The following CNTNAP2 variants were observed in gnomAD, a reference collection of about 807,000 sequenced individuals.
CNTNAP2 encodes the protein contactin-associated protein-like 2.
Under a neutral mutation model 155.2 loss-of-function variants are expected in CNTNAP2, and 98 were observed. The ratio of observed to expected loss-of-function variants is 0.63; its 90% CI spans 0.54 to 0.75. The LOEUF (loss-of-function observed/expected upper bound fraction) is 0.75. CNTNAP2 is among the 30% of genes least tolerant of loss of function. The pLI is 0.00. For missense variants in CNTNAP2, 1,727 were observed against 1,688.1 expected (o/e 1.02, Z -0.40); for synonymous variants, 651 against 631.2 (o/e 1.03, Z -0.47).
chr7:147,859,293 A>G (rs948005626), intron 13 of CNTNAP2, among the ~76,000 whole-genome samples: 7 of 152,106 alleles, frequency 4.6e-5, no homozygotes, highest in African/African-American at 1.7e-4. Context: ...GTCATCTGTT[A>G]TGTTACATAG....
chr7:147,209,962 G>C (rs1178594260), intron 8 of CNTNAP2, among the ~76,000 whole-genome samples: 1 of 151,906 alleles, frequency 6.6e-6, no homozygotes, highest in East Asian at 1.9e-4. Context: ...TTAACTTTTT[G>C]ATGTGCTGCT....
intron 1 of CNTNAP2, among the ~76,000 whole-genome samples, chr7:146,305,003 A>G (rs969126292): frequency 1.3e-5 from 2 of 151,674 alleles, no homozygotes; most frequent in African/African-American, 4.8e-5. Flanking sequence ...TTCTCTTCTC[A>G]CTTCATTTCA....
chr7:146,939,471 T>C (rs980332874), intron 3 of CNTNAP2, among the ~76,000 whole-genome samples: 1 of 152,232 alleles, frequency 6.6e-6, no homozygotes, highest in African/African-American at 2.4e-5. Context: ...TTTACTTCTT[T>C]CTCTGAAATA....
At chr7:147,625,706 G>C (rs1459622476) in intron 12 of CNTNAP2, among the ~76,000 whole-genome samples, 1 of 152,182 alleles carries the variant, frequency 6.6e-6, no homozygotes, top group Admixed American at 6.5e-5. Flanking sequence ...CTCACACTGT[G>C]ATCTGTTGCT....
intron 13 of CNTNAP2, among the ~76,000 whole-genome samples, chr7:147,781,915 C>A (rs1285413600): frequency 6.6e-6 from 1 of 151,640 alleles, no homozygotes; most frequent in Non-Finnish European, 1.5e-5. Flanking sequence ...CCCAGCTACT[C>A]GGGAGGCTGA....
chr7:147,903,438 T>C, intron 13 of CNTNAP2, 127 bp from the exon 14 acceptor site: 1 of 1,015,086 alleles, frequency 9.9e-7, no homozygotes, highest in Non-Finnish European at 1.5e-6. Context: ...TTGAAATAAA[T>C]TGACTTTTAA....
At chr7:146,643,107 G>A (rs1279376556) in intron 1 of CNTNAP2, among the ~76,000 whole-genome samples, 1 of 147,994 alleles carries the variant, frequency 6.8e-6, no homozygotes, top group Non-Finnish European at 1.5e-5. Context: ...CATTTTGTAG[G>A]TTGCCTGTTC....
intron 3 of CNTNAP2, among the ~76,000 whole-genome samples, chr7:146,936,833 T>A (rs1395938171): frequency 2.0e-5 from 3 of 152,202 alleles, no homozygotes; most frequent in Non-Finnish European, 4.4e-5. Flanking sequence ...ACTTCCCTTT[T>A]ATGTCTATAG....
chr7:146,678,371 G>C (rs1319163819), intron 1 of CNTNAP2, among the ~76,000 whole-genome samples: 1 of 152,042 alleles, frequency 6.6e-6, no homozygotes, highest in Non-Finnish European at 1.5e-5. Context: ...ACCACACCCA[G>C]CCATAATGTC....
At chr7:148,126,492 A>G (rs1804717761) in intron 16 of CNTNAP2, among the ~76,000 whole-genome samples, 1 of 152,226 alleles carries the variant, frequency 6.6e-6, no homozygotes. Flanking sequence ...GGTCACGGTT[A>G]GTGAAATTTT....
intron 9 of CNTNAP2, among the ~76,000 whole-genome samples, chr7:147,333,887 G>A (rs1795621291): frequency 6.6e-6 from 1 of 152,070 alleles, no homozygotes; most frequent in Non-Finnish European, 1.5e-5. Flanking sequence ...CAATATTTAG[G>A]ACCCAAGTCA....
chr7:146,370,361 C>G (rs1795217324), intron 1 of CNTNAP2, among the ~76,000 whole-genome samples: 1 of 151,358 alleles, frequency 6.6e-6, no homozygotes, highest in African/African-American at 2.4e-5. Flanking sequence ...TCGTTTGTAC[C>G]CAGCATGCGG....
intron 1 of CNTNAP2, among the ~76,000 whole-genome samples, chr7:146,289,283 A>G (rs903997806): frequency 1.3e-5 from 2 of 152,222 alleles, no homozygotes; most frequent in Non-Finnish European, 2.9e-5. Flanking sequence ...ATGTTTATAA[A>G]GCTTTGATTC....
At chr7:146,468,643 TG>T (rs1201963390) in intron 1 of CNTNAP2, among the ~76,000 whole-genome samples, 6 of 152,162 alleles carry the variant, frequency 3.9e-5, no homozygotes, top group Non-Finnish European at 8.8e-5. Context: ...TTTGTTTGTT[TG>T]TTTGTTTTTA....
chr7:147,131,082 A>ATATATATG (rs1366651027), intron 7 of CNTNAP2, among the ~76,000 whole-genome samples: 101 of 115,930 alleles, frequency 8.7e-4, no homozygotes, highest in Non-Finnish European at 1.4e-3. Flanking sequence ...ATATATATGT[A>ATATATATG]TATATGTGTA....
chr7:147,303,611 G>A (rs1258061329), intron 9 of CNTNAP2, among the ~76,000 whole-genome samples: 1 of 152,164 alleles, frequency 6.6e-6, no homozygotes, highest in Non-Finnish European at 1.5e-5. Flanking sequence ...TAAAACACGA[G>A]CTTTGGAATC....
At chr7:147,585,236 T>G (rs541278933) in intron 12 of CNTNAP2, among the ~76,000 whole-genome samples, 1 of 152,184 alleles carries the variant, frequency 6.6e-6, no homozygotes, top group East Asian at 1.9e-4. Flanking sequence ...GTAATTAAAG[T>G]GTATTACTTT....
At chr7:147,672,882 T>TTGCA (rs1795811483) in intron 13 of CNTNAP2, 1 of 152,170 alleles carries the variant, frequency 6.6e-6, no homozygotes, top group Admixed American at 6.5e-5. Context: ...TTTGATTTGA[T>TTGCA]TGCAGCTGGA....
chr7:147,767,710 A>G (rs1797404289), intron 13 of CNTNAP2, among the ~76,000 whole-genome samples: 1 of 152,070 alleles, frequency 6.6e-6, no homozygotes. Context: ...TAGTGTTTGC[A>G]GTATCCAGAT....
Sources: gnomAD v4.1 joint callset for allele counts (sites outside exome capture counted in the v4.1 genomes callset) on GRCh38, gnomAD v4.1.1 for gene constraint, MANE v1.5 for transcripts, NCBI Gene and HGNC (gene_info 2026-07-23, HGNC 2026-07-21) for gene names.